GDPD4: variants seen among roughly 807,000 people sequenced by gnomAD.
GDPD4 encodes the protein glycerophosphodiester phosphodiesterase 6.
Under a neutral mutation model 67.8 loss-of-function variants are expected in GDPD4, and 60 were observed. The observed-to-expected ratio is 0.88, with a 90% confidence interval of 0.72 to 1.10. The LOEUF is 1.10. GDPD4 is among the 50% of genes least tolerant of loss of function. GDPD4 has a pLI of 0.00. For missense variants in GDPD4, 623 were observed against 613.9 expected, an observed-to-expected ratio of 1.01 and a Z score of -0.16; for synonymous variants, 212 against 210.9, an observed-to-expected ratio of 1.00 and a Z score of -0.04.
chr11:77,218,194 T>C (rs1958161801), intron 16 of GDPD4, among the ~76,000 whole-genome samples: 1 of 152,112 alleles, frequency 6.6e-6, no homozygotes, highest in South Asian at 2.1e-4. Context: ...ATAACTTTTC[T>C]AATTCATGAA....
At chr11:77,271,454 T>C (rs1959224561) in intron 5 of GDPD4, 61 bp from the exon 6 acceptor site, 2 of 967,262 alleles carry the variant, frequency 2.1e-6, no homozygotes, top group African/African-American at 3.2e-5. Context: ...AGAACTGTCC[T>C]CAGGAATTAT....
chr11:77,270,499 C>T (rs544896570), intron 7 of GDPD4, among the ~76,000 whole-genome samples: 5 of 152,244 alleles, frequency 3.3e-5, no homozygotes, highest in African/African-American at 9.6e-5. Flanking sequence ...AGGCGGATCA[C>T]GAGGTTAAGA....
intron 16 of GDPD4, among the ~76,000 whole-genome samples, chr11:77,221,028 AGTTT>A (rs1377529617): frequency 6.6e-6 from 1 of 152,066 alleles, no homozygotes; most frequent in Non-Finnish European, 1.5e-5. Context: ...TAGATTTTCT[AGTTT>A]ATTTGCGTGG....
chr11:77,220,792 C>G (rs1423093138), intron 16 of GDPD4, among the ~76,000 whole-genome samples: 1 of 152,150 alleles, frequency 6.6e-6, no homozygotes, highest in East Asian at 1.9e-4. Flanking sequence ...ACCAGCTCCT[C>G]TTTGTATCTC....
chr11:77,260,284 C>T (rs899952515), intron 10 of GDPD4, among the ~76,000 whole-genome samples: 1 of 130,500 alleles, frequency 7.7e-6, no homozygotes, highest in African/African-American at 3.2e-5. Context: ...CCAGCCTGGG[C>T]AACAAGAGTG....
intron 15 of GDPD4, among the ~76,000 whole-genome samples, chr11:77,228,345 T>A (rs184763532): frequency 0.012 from 1,854 of 150,492 alleles, 45 homozygotes; most frequent in African/African-American, 0.04. Flanking sequence ...AAAAATATTT[T>A]TAAAAAAAAT....
intron 10 of GDPD4, among the ~76,000 whole-genome samples, chr11:77,259,080 G>A (rs968156520): frequency 2.0e-5 from 3 of 152,186 alleles, no homozygotes; most frequent in Middle Eastern, 3.2e-3. Context: ...GATCACACAA[G>A]TGATTCTTCT....
intron 5 of GDPD4, among the ~76,000 whole-genome samples, chr11:77,275,733 A>G (rs976432624): frequency 2.6e-5 from 4 of 152,166 alleles, no homozygotes; most frequent in African/African-American, 9.7e-5. Context: ...ATAAGGCCCA[A>G]ATAGGGGAGG....
At chr11:77,298,839 C>G (rs1938067139) in intron 1 of GDPD4, among the ~76,000 whole-genome samples, 1 of 151,934 alleles carries the variant, frequency 6.6e-6, no homozygotes, top group Non-Finnish European at 1.5e-5. Context: ...ATATTTTTTT[C>G]TTTTTTGACT....
At chr11:77,294,547 A>G (rs531864470) in intron 1 of GDPD4, among the ~76,000 whole-genome samples, 1 of 152,306 alleles carries the variant, frequency 6.6e-6, no homozygotes, top group East Asian at 1.9e-4. Context: ...AGAAGACTCA[A>G]TATTGTTATA....
At chr11:77,233,935 T>A (rs1187728107) in intron 13 of GDPD4, among the ~76,000 whole-genome samples, 4 of 152,214 alleles carry the variant, frequency 2.6e-5, no homozygotes. Context: ...AGTGGATACT[T>A]GTGAACTGTT....
chr11:77,237,824 C>T (rs1309959399), intron 13 of GDPD4, among the ~76,000 whole-genome samples: 2 of 152,152 alleles, frequency 1.3e-5, no homozygotes, highest in African/African-American at 4.8e-5. Flanking sequence ...AAATTTAGAG[C>T]TTTAAGGCTG....
intron 1 of GDPD4, among the ~76,000 whole-genome samples, 178 bp from the exon 2 acceptor site, chr11:77,287,598 C>T (rs1390959965): frequency 6.6e-6 from 1 of 152,176 alleles, no homozygotes; most frequent in African/African-American, 2.4e-5. Flanking sequence ...CTTTCCCTCC[C>T]ACTAACTTGT....
chr11:77,285,309 G>T, intron 2 of GDPD4, 122 bp from the exon 3 acceptor site: 1 of 594,962 alleles, frequency 1.7e-6, no homozygotes. Flanking sequence ...CCTGAGGCTG[G>T]AGTGATCACT....
At chr11:77,252,634 C>A (rs1958929783) in intron 11 of GDPD4, among the ~76,000 whole-genome samples, 1 of 152,140 alleles carries the variant, frequency 6.6e-6, no homozygotes. Flanking sequence ...GGAATAATCA[C>A]CTCTTCTAAA....
Position 77,227,852 on chromosome 11 carries a change from C to T in GDPD4, c.1525+12G>A, listed in dbSNP as rs1958373132. 1 of 1,607,690 alleles carries T rather than the reference C, an allele frequency of 6.2e-7. No individual in the cohort carries two copies. Among genetic ancestry groups the T allele is most frequent in the Non-Finnish European group, 8.5e-7 (1 of 1,174,320 alleles). On this transcript the variant is annotated intron_variant, in intron 16 of 16. Coordinates refer to ENST00000315938, the MANE Select transcript of GDPD4 (RefSeq NM_182833.3). ...ATGAAGAGACAGGAGTGGGCTAGGC[C>T]TCTGACTTTACCTGTGCGAGTGCTG... is the stretch of plus-strand genomic sequence containing the variant.
intron 12 of GDPD4, 81 bp from the exon 13 acceptor site, chr11:77,243,929 C>G (rs1958727950): frequency 1.1e-6 from 1 of 916,342 alleles, no homozygotes; most frequent in African/African-American, 1.6e-5. Context: ...GGAGGGAGCT[C>G]CATTCCAGCA....
At chr11:77,264,422 T>C (rs1793483) in intron 10 of GDPD4, among the ~76,000 whole-genome samples, 86,311 of 151,810 alleles carry the variant, frequency 0.57, 25,019 homozygotes, top group Middle Eastern at 0.65. Flanking sequence ...TTATCACAAA[T>C]CTCAAAAATT....
At chr11:77,275,906 G>T (rs145871064) in intron 5 of GDPD4, among the ~76,000 whole-genome samples, 1 of 152,230 alleles carries the variant, frequency 6.6e-6, no homozygotes, top group East Asian at 1.9e-4. Context: ...GCTACAGATT[G>T]AGTTTAATAG....
Sources: allele counts gnomAD v4.1 joint callset (sites outside exome capture counted in the v4.1 genomes callset), GRCh38; gene constraint gnomAD v4.1.1; transcripts MANE v1.5; gene names NCBI Gene and HGNC (gene_info 2026-07-23, HGNC 2026-07-21).